Variants in SPRED1 observed in about 807,000 individuals in gnomAD.
The protein encoded by SPRED1 is sprouty-related, EVH1 domain-containing protein 1.
Under a neutral mutation model 52.3 loss-of-function variants are expected in SPRED1, and 18 were observed. The ratio of observed to expected loss-of-function variants is 0.34; its 90% CI spans 0.24 to 0.51. The LOEUF (loss-of-function observed/expected upper bound fraction) is 0.51, where lower values mean the gene tolerates loss of function less well. SPRED1 is among the 20% of genes least tolerant of loss of function. The pLI is 0.97. For synonymous variants in SPRED1, 155 were observed against 179.7 expected, an observed-to-expected ratio of 0.86 and a Z score of 1.10; for missense variants, 485 against 551.0, an observed-to-expected ratio of 0.88 and a Z score of 1.20.
At chr15:38,272,919 A>G (rs1283494785) in intron 1 of SPRED1, among the ~76,000 whole-genome samples, 1 of 152,138 alleles carries the variant, frequency 6.6e-6, no homozygotes, top group East Asian at 1.9e-4. Context: ...TAAATTGCTT[A>G]TAGATTCTGG....
intron 2 of SPRED1, among the ~76,000 whole-genome samples, chr15:38,303,184 CA>C (rs34042560): frequency 0.12 from 18,171 of 145,568 alleles, 1,896 homozygotes; most frequent in East Asian, 0.54. Context: ...GACTCTGTCT[CA>C]AAAAAAAAAA....
Position 38,272,276 on chromosome 15 carries a change from G to GTTTTTTTTTTTTTTTTT in SPRED1, c.32+19069_32+19070insTTTTTTTTTTTTTTTTT, listed in dbSNP as rs1555387949. Among the ~76,000 whole-genome samples, 3 of 131,422 alleles carry GTTTTTTTTTTTTTTTTT rather than the reference G, an allele frequency of 2.3e-5. 1 individual carries two copies. The highest frequency in any genetic ancestry group is 2.8e-5 in the African/African-American group (1 of 36,322). The allele number at this position is 131,422 out of a possible 152,430, so 86.2% of individuals were successfully genotyped here. A position where few individuals can be genotyped will look rare whatever the true frequency, so the allele number is the denominator to read the frequency against. On this transcript the variant is annotated intron_variant, in intron 1 of 6. Transcript: ENST00000299084. The stretch of plus-strand genomic sequence containing the variant: ...TGAGATTGTAGGGGTCGAATGCTAG[G>GTTTTTTTTTTTTTTTTT]TTTTTTTTTTGAGATGAAGTCTTGC...
intron 1 of SPRED1, among the ~76,000 whole-genome samples, chr15:38,281,195 A>T (rs1464408569): frequency 2.0e-5 from 3 of 152,228 alleles, no homozygotes; most frequent in Non-Finnish European, 4.4e-5. Context: ...TTGTTTCTAT[A>T]CAAAAGAGAA....
intron 2 of SPRED1, among the ~76,000 whole-genome samples, chr15:38,315,309 C>T (rs898487397): frequency 2.6e-5 from 4 of 151,862 alleles, no homozygotes; most frequent in African/African-American, 9.7e-5. Context: ...TATTTGTGAA[C>T]ATATAATTAT....
Position 38,322,339 on chromosome 15 carries a change from G to A in SPRED1, c.306G>A (p.Thr102=), listed in dbSNP as rs372791883. 2.0e-5 allele frequency: 33 copies of A among 1,613,754 alleles called. No individual in the cohort carries two copies. The highest frequency in any genetic ancestry group is 8.9e-5 in the East Asian group (4 of 44,826). The part of the protein sequence containing the change: ...WKIDDKKFGL[T]FQSPADARAF... ...TTGATGACAAGAAGTTTGGTCTTAC[G>A]TTTCAAAGTCCTGCTGATGCTAGGG... The change falls in exon 3 of 7, where the codon ACG becomes ACA. Residue 102 remains threonine, a synonymous_variant. Transcript: ENST00000299084.
At chr15:38,333,005 A>G (rs777725801) in intron 4 of SPRED1, among the ~76,000 whole-genome samples, 11 of 152,156 alleles carry the variant, frequency 7.2e-5, no homozygotes, top group Non-Finnish European at 1.5e-4. Context: ...CACTAATCAC[A>G]TTCATGAGGG....
intron 1 of SPRED1, among the ~76,000 whole-genome samples, chr15:38,299,037 C>A (rs1003042259): frequency 1.3e-5 from 2 of 152,098 alleles, no homozygotes; most frequent in African/African-American, 4.8e-5. Context: ...TTTTATGGTA[C>A]CCTGTGTAGT....
At chr15:38,255,031 T>A (rs1454146549) in intron 1 of SPRED1, among the ~76,000 whole-genome samples, 1 of 152,234 alleles carries the variant, frequency 6.6e-6, no homozygotes, top group Non-Finnish European at 1.5e-5. Flanking sequence ...TGTTTCCTTC[T>A]GGTTGCAGCT....
intron 4 of SPRED1, among the ~76,000 whole-genome samples, chr15:38,327,731 G>A (rs1234002093): frequency 2.6e-5 from 4 of 152,178 alleles, no homozygotes; most frequent in Admixed American, 2.6e-4. Context: ...GGGACTATGA[G>A]CCAGAATCAC....
chr15:38,304,934 C>G (rs527786876), intron 2 of SPRED1, among the ~76,000 whole-genome samples: 124 of 151,998 alleles, frequency 8.2e-4, no homozygotes, highest in African/African-American at 2.8e-3. Flanking sequence ...CTCAAACAAC[C>G]CTTTCATTCA....
At chr15:38,316,644 A>ATCTGTT (rs1270662870) in intron 2 of SPRED1, among the ~76,000 whole-genome samples, 1 of 150,214 alleles carries the variant, frequency 6.7e-6, no homozygotes, top group Admixed American at 6.7e-5. Flanking sequence ...ACCTGGCCAG[A>ATCTGTT]TCTGTTTGTA....
At chr15:38,335,321 G>T (rs1403065698) in intron 4 of SPRED1, among the ~76,000 whole-genome samples, 1 of 152,010 alleles carries the variant, frequency 6.6e-6, no homozygotes, top group Non-Finnish European at 1.5e-5. Flanking sequence ...AATTAGATTT[G>T]CCTGAAGAAT....
chr15:38,337,888 C>G (rs1895951903), intron 4 of SPRED1, among the ~76,000 whole-genome samples: 1 of 151,766 alleles, frequency 6.6e-6, no homozygotes, highest in Non-Finnish European at 1.5e-5. Context: ...AGTATCCCAA[C>G]CCTGAGATTA....
chr15:38,317,827 C>A (rs1224271439), intron 2 of SPRED1, among the ~76,000 whole-genome samples: 2 of 145,522 alleles, frequency 1.4e-5, no homozygotes, highest in Admixed American at 6.9e-5. Context: ...CAACTTTCAA[C>A]CCCATTGATT....
intron 1 of SPRED1, among the ~76,000 whole-genome samples, chr15:38,261,854 A>G (rs1172324244): frequency 2.0e-5 from 3 of 152,238 alleles, no homozygotes; most frequent in Admixed American, 1.3e-4. Flanking sequence ...AATGACTTCT[A>G]TATATTAGCA....
intron 1 of SPRED1, among the ~76,000 whole-genome samples, chr15:38,281,959 C>T (rs529697409): frequency 2.6e-5 from 4 of 151,960 alleles, no homozygotes; most frequent in East Asian, 3.9e-4. Context: ...AGGGTAAAGC[C>T]GATTTTATTG....
intron 5 of SPRED1, among the ~76,000 whole-genome samples, chr15:38,347,965 TTG>T: frequency 6.6e-6 from 1 of 152,000 alleles, no homozygotes; most frequent in East Asian, 1.9e-4. Flanking sequence ...CACTTAGAGA[TTG>T]TGTGAGAGAA....
chr15:38,296,406 T>A (rs1895040416), intron 1 of SPRED1, among the ~76,000 whole-genome samples: 1 of 152,194 alleles, frequency 6.6e-6, no homozygotes, highest in African/African-American at 2.4e-5. Flanking sequence ...CAAAGTGCAA[T>A]AAAGTATAGC....
At chr15:38,343,851 G>A (rs1320941876) in intron 5 of SPRED1, among the ~76,000 whole-genome samples, 1 of 151,802 alleles carries the variant, frequency 6.6e-6, no homozygotes, top group Non-Finnish European at 1.5e-5. Context: ...TCAACAAACT[G>A]GCAAACTACC....
Sources: gnomAD v4.1 joint callset for allele counts (sites outside exome capture counted in the v4.1 genomes callset) on GRCh38, gnomAD v4.1.1 for gene constraint, MANE v1.5 for transcripts, NCBI Gene and HGNC (gene_info 2026-07-23, HGNC 2026-07-21) for gene names.